The following SLC9C1 variants were observed in gnomAD, a reference collection of about 807,000 sequenced individuals.
SLC9C1 encodes the protein solute carrier family 9 member C1, also known as sodium/hydrogen exchanger 10.
Under a neutral mutation model 140.9 loss-of-function variants are expected in SLC9C1, and 97 were observed. The ratio of observed to expected loss-of-function variants is 0.69; its 90% CI spans 0.58 to 0.82. SLC9C1 has a LOEUF of 0.82. Ranked by LOEUF, SLC9C1 falls within the 40% of genes least tolerant of loss-of-function variation. The pLI is 0.00. For missense variants in SLC9C1, 1,340 were observed against 1,389.3 expected (o/e 0.96, Z 0.56); for synonymous variants, 440 against 442.6 (o/e 0.99, Z 0.07).
At chr3:112,151,803 A>G in intron 28 of SLC9C1, 54 bp downstream of exon 28, 1 of 1,437,722 alleles carries the variant, frequency 7.0e-7, no homozygotes, top group Non-Finnish European at 9.7e-7. Context: ...TTCAGTCTGT[A>G]TCTCCAGGGA....
intron 26 of SLC9C1, among the ~76,000 whole-genome samples, chr3:112,159,020 A>G (rs1166697722): frequency 6.6e-6 from 1 of 150,926 alleles, no homozygotes; most frequent in Non-Finnish European, 1.5e-5. Context: ...CTCATTTATT[A>G]TTTATTCTCT....
intron 13 of SLC9C1, among the ~76,000 whole-genome samples, chr3:112,224,544 T>C (rs2078629011): frequency 6.6e-6 from 1 of 151,434 alleles, no homozygotes; most frequent in Non-Finnish European, 1.5e-5. Flanking sequence ...GCAGACACAA[T>C]AAAATCGAAA....
chr3:112,165,282 A>C (rs1355903450), intron 26 of SLC9C1, among the ~76,000 whole-genome samples: 6 of 152,158 alleles, frequency 3.9e-5, no homozygotes, highest in Admixed American at 2.6e-4. Context: ...CGTCAAAGTC[A>C]TTCTCCATCC....
intron 26 of SLC9C1, among the ~76,000 whole-genome samples, chr3:112,161,905 T>G (rs1258177332): frequency 1.3e-5 from 2 of 151,534 alleles, no homozygotes; most frequent in Admixed American, 1.3e-4. Context: ...CCCATGAGCA[T>G]GGAATGTTCT....
In SLC9C1 at chr3:112,192,064, AT is replaced by A. The variant is rs57993990; in HGVS notation, c.2523+7256del. Among the ~76,000 whole-genome samples, 462 of 146,902 alleles carry A rather than the reference AT, an allele frequency of 3.1e-3. 2 individuals are homozygous for A. The highest frequency in any genetic ancestry group is 5.7e-3 in the African/African-American group (229 of 40,140). ...AACATCCCTCTCACTGTTTTTTTCC[AT>A]TTTTTTTTTTACTGTGGTAAAATAC... On this transcript the variant is annotated intron_variant, in intron 20 of 28. Transcript: ENST00000305815.
In SLC9C1 at chr3:112,179,515, G is replaced by A. The variant is rs2077399473; in HGVS notation, c.2919+16C>T. 1 of 1,585,478 alleles carries A rather than the reference G, an allele frequency of 6.3e-7. No individual in the cohort carries two copies. Among genetic ancestry groups the A allele is most frequent in the South Asian group, 1.2e-5 (1 of 82,486 alleles). On this transcript the variant is annotated intron_variant, in intron 23 of 28. Coordinates refer to ENST00000305815, the MANE Select transcript of SLC9C1 (RefSeq NM_183061.3). Reference sequence around the variant, plus strand: ...TAACAAAATACAACAAAAGTCACAGGCGAAGTTTTTCTGACCTCCACTACA... The same window carrying A: ...TAACAAAATACAACAAAAGTCACAGACGAAGTTTTTCTGACCTCCACTACA...
At chr3:112,245,165 T>A (rs2079246089) in intron 10 of SLC9C1, among the ~76,000 whole-genome samples, 1 of 152,230 alleles carries the variant, frequency 6.6e-6, no homozygotes, top group Non-Finnish European at 1.5e-5. Flanking sequence ...AATCTTCGTA[T>A]AAATTAAATA....
chr3:112,170,966 C>T (rs1262082890), intron 23 of SLC9C1, among the ~76,000 whole-genome samples: 1 of 152,204 alleles, frequency 6.6e-6, no homozygotes, highest in Admixed American at 6.5e-5. Context: ...GTAATCTTAG[C>T]ACTTTGGGAG....
chr3:112,187,754 C>T (rs2077566778), intron 20 of SLC9C1, among the ~76,000 whole-genome samples: 1 of 152,008 alleles, frequency 6.6e-6, no homozygotes, highest in Non-Finnish European at 1.5e-5. Context: ...CTTCTCATTT[C>T]TTCTTCCACA....
chr3:112,239,712 G>C (rs2079089499), intron 12 of SLC9C1, 128 bp downstream of exon 12: 3 of 943,238 alleles, frequency 3.2e-6, no homozygotes, highest in Non-Finnish European at 4.5e-6. Context: ...TTGTTAAATA[G>C]AGTTATTAAC....
chr3:112,278,953 A>T, intron 3 of SLC9C1, 96 bp from the exon 4 acceptor site: 1 of 1,255,448 alleles, frequency 8.0e-7, no homozygotes, highest in Non-Finnish European at 1.1e-6. Context: ...AGAGAAAGAC[A>T]ATTTTTAAAA....
At chr3:112,235,917 G>A (rs894009078) in intron 12 of SLC9C1, among the ~76,000 whole-genome samples, 3 of 152,116 alleles carry the variant, frequency 2.0e-5, no homozygotes, top group Admixed American at 6.5e-5. Flanking sequence ...CAGGAATATT[G>A]GTCTAAAATT....
At chr3:112,235,932 T>G (rs1373160767) in intron 12 of SLC9C1, among the ~76,000 whole-genome samples, 3 of 152,184 alleles carry the variant, frequency 2.0e-5, no homozygotes, top group Non-Finnish European at 4.4e-5. Flanking sequence ...AAAATTCTTG[T>G]TTTTTGTTGT....
intron 28 of SLC9C1, among the ~76,000 whole-genome samples, chr3:112,149,656 A>G (rs984309568): frequency 3.3e-5 from 5 of 151,782 alleles, no homozygotes; most frequent in Non-Finnish European, 4.4e-5. Flanking sequence ...GGGTATTCCA[A>G]ATGCCTGGAG....
At chr3:112,243,850 C>G in intron 11 of SLC9C1, 145 bp downstream of exon 11, 1 of 504,138 alleles carries the variant, frequency 2.0e-6, no homozygotes, top group Non-Finnish European at 3.4e-6. Flanking sequence ...ACTGCCACGC[C>G]TGGCTAATTT....
chr3:112,291,800 A>T (rs1197713511), intron 1 of SLC9C1, among the ~76,000 whole-genome samples: 1 of 152,262 alleles, frequency 6.6e-6, no homozygotes, highest in Non-Finnish European at 1.5e-5. Flanking sequence ...CTGTTCTATC[A>T]TAAAGACATA....
intron 20 of SLC9C1, chr3:112,185,752 T>A (rs2077524520): frequency 1.3e-6 from 2 of 1,542,048 alleles, no homozygotes; most frequent in East Asian, 2.4e-5. Flanking sequence ...CCTGCCGGGC[T>A]GTCCTTCAGG....
intron 4 of SLC9C1, 83 bp from the exon 5 acceptor site, chr3:112,277,943 T>C (rs2080260459): frequency 3.3e-6 from 4 of 1,227,556 alleles, no homozygotes; most frequent in African/African-American, 1.5e-5. Flanking sequence ...TTATTGGAGA[T>C]ACAGAATCAA....
At chr3:112,212,551 T>C (rs6762302) in intron 15 of SLC9C1, among the ~76,000 whole-genome samples, 69,116 of 152,018 alleles carry the variant, frequency 0.45, 16,203 homozygotes, top group East Asian at 0.63. Flanking sequence ...AAGAACTACA[T>C]GATGAATGCA....
Sources: gnomAD v4.1 joint callset for allele counts (sites outside exome capture counted in the v4.1 genomes callset) on GRCh38, gnomAD v4.1.1 for gene constraint, MANE v1.5 for transcripts, NCBI Gene and HGNC (gene_info 2026-07-23, HGNC 2026-07-21) for gene names.